SLCO1B3: variants seen among roughly 807,000 people sequenced by gnomAD.
SLCO1B3 encodes the protein solute carrier organic anion transporter family member 1B3, also known as liver-specific organic anion transporter 2.
A neutral mutation model predicts 71.8 loss-of-function variants in SLCO1B3; 72 were observed. The observed-to-expected ratio is 1.00, with a 90% confidence interval of 0.83 to 1.22. The LOEUF is 1.22. Ranked by LOEUF, SLCO1B3 falls within the 50% of genes most tolerant of loss-of-function variation. The probability of loss-of-function intolerance (pLI) is 0.00; values close to 1 mark genes in which losing one functional copy is unlikely to be tolerated. For missense variants in SLCO1B3, 911 were observed against 819.7 expected, an observed-to-expected ratio of 1.11 and a Z score of -1.36; for synonymous variants, 298 against 278.4, an observed-to-expected ratio of 1.07 and a Z score of -0.70.
intron 3 of SLCO1B3, among the ~76,000 whole-genome samples, chr12:20,842,501 A>G (rs2121176818): frequency 1.5e-5 from 1 of 65,698 alleles, no homozygotes; most frequent in East Asian, 4.2e-4. Context: ...TACAGCTACA[A>G]GTTTTTTTTT....
At chr12:20,856,128 A>C (rs1489534469) in intron 4 of SLCO1B3, among the ~76,000 whole-genome samples, 3 of 152,196 alleles carry the variant, frequency 2.0e-5, no homozygotes, top group African/African-American at 7.2e-5. Context: ...TTAGAATTGG[A>C]ATGTTATTAG....
intron 8 of SLCO1B3, among the ~76,000 whole-genome samples, chr12:20,868,777 G>A (rs1865421329): frequency 6.6e-6 from 1 of 152,088 alleles, no homozygotes; most frequent in East Asian, 1.9e-4. Flanking sequence ...AAAGCAAAAG[G>A]GGCAGGGTAA....
chr12:20,833,291 T>G (rs1384232250), intron 3 of SLCO1B3, among the ~76,000 whole-genome samples: 2 of 152,066 alleles, frequency 1.3e-5, no homozygotes, highest in Non-Finnish European at 2.9e-5. Flanking sequence ...CCATGTTACC[T>G]AACATATTTA....
rs2121296519 is a variant in SLCO1B3, at chr12:20,876,993, G to A, written c.971-779G>A. Among the ~76,000 whole-genome samples, 3 of 152,134 alleles carry A rather than the reference G, an allele frequency of 2.0e-5. 1 individual carries two copies. The Middle Eastern group carries it at 0.01, about 517-fold the overall frequency. On this transcript the variant is annotated intron_variant, in intron 9 of 15. Transcript: ENST00000381545. Reference sequence around the variant, plus strand: ...CTACAGGCACACACTGCCATACCCGGCTAATTTTTTGTATTTTTGTAGAGA... The same window carrying A: ...CTACAGGCACACACTGCCATACCCGACTAATTTTTTGTATTTTTGTAGAGA...
In SLCO1B3 at chr12:20,881,020, AG is replaced by A. The variant is rs1865684164; in HGVS notation, c.1497+1del. On this transcript the variant is annotated splice_donor_variant, in intron 12 of 15. Coordinates refer to ENST00000381545, the MANE Select transcript of SLCO1B3 (RefSeq NM_019844.4). LOFTEE classifies it high-confidence loss of function. ...CCTCAAGTGGTATTAAAAAGCATACAGTGAGTATTAGTTTTCACTTTTTCTC... is the reference window on the plus strand; with the variant it reads ...CCTCAAGTGGTATTAAAAAGCATACATGAGTATTAGTTTTCACTTTTTCTC... The A allele has an allele frequency of 3.1e-6, 5 of 1,588,098 alleles. No homozygotes were observed. In the East Asian group the frequency reaches 1.1e-4, roughly 36 times the overall value.
intron 15 of SLCO1B3, among the ~76,000 whole-genome samples, chr12:20,913,239 C>T (rs1866421119): frequency 6.6e-6 from 1 of 152,004 alleles, no homozygotes; most frequent in Non-Finnish European, 1.5e-5. Flanking sequence ...TTAACATTGT[C>T]CATAGGTTCT....
chr12:20,892,549 G>A (rs1047963759), intron 13 of SLCO1B3, among the ~76,000 whole-genome samples: 2 of 152,102 alleles, frequency 1.3e-5, no homozygotes, highest in Non-Finnish European at 2.9e-5. Flanking sequence ...AGGACACAGA[G>A]TTTTTCTCTG....
Position 20,883,483 on chromosome 12 carries a change from G to T in SLCO1B3, c.1563G>T (p.Leu521Phe), listed in dbSNP as rs1017124038. 3 of 1,598,562 alleles carry T rather than the reference G, an allele frequency of 1.9e-6. No individual in the cohort carries two copies. Among genetic ancestry groups the T allele is most frequent in the Non-Finnish European group, 2.6e-6 (3 of 1,172,298 alleles). Residue 521 changes from leucine (L) to phenylalanine (F), a missense_variant, in exon 13 of 16, where the codon TTG becomes TTT. Transcript: ENST00000381545. ...GLQNRNYSAH[L>F]GECPRDNTCT... ...AGAACAGAAATTACTCAGCACACTT[G>T]GGTGAATGCCCAAGAGATAATACTT... is the stretch of plus-strand genomic sequence containing the variant.
chr12:20,872,980 G>GC (rs1386872726), intron 8 of SLCO1B3, among the ~76,000 whole-genome samples: 1 of 152,096 alleles, frequency 6.6e-6, no homozygotes, highest in Non-Finnish European at 1.5e-5. Flanking sequence ...TCTAGAGTAT[G>GC]CAGGGTCTTA....
intron 15 of SLCO1B3, among the ~76,000 whole-genome samples, chr12:20,910,575 G>A (rs980320675): frequency 4.6e-5 from 7 of 152,112 alleles, no homozygotes; most frequent in African/African-American, 1.4e-4. Flanking sequence ...TGAGTCTTAC[G>A]ATACTGTACA....
chr12:20,882,473 G>A (rs1001840827), intron 12 of SLCO1B3, among the ~76,000 whole-genome samples: 6 of 152,112 alleles, frequency 3.9e-5, no homozygotes, highest in African/African-American at 1.4e-4. Context: ...GCATGGTCTC[G>A]GCTCACTGCA....
At position 20,858,542 on chromosome 12, in the gene SLCO1B3, G is replaced by A. The variant is rs544431416; in HGVS notation, c.330G>A (p.Leu110=). Residue 110 remains leucine, a synonymous_variant, in exon 5 of 16, where the codon TTG becomes TTA. Coordinates refer to ENST00000381545, the MANE Select transcript of SLCO1B3 (RefSeq NM_019844.4). ...TCCTTATGGGAACTGGAAGTATTTT[G>A]ACATCTTTACCACATTTCTTCATGG... The part of the protein sequence containing the change: ...GCLLMGTGSI[L]TSLPHFFMGY... 4 of 1,606,624 alleles carry A rather than the reference G, an allele frequency of 2.5e-6. No homozygotes were observed. The South Asian group carries it at 3.3e-5, about 13-fold the overall frequency.
At chr12:20,914,379 TTA>T (rs1866449501) in intron 15 of SLCO1B3, among the ~76,000 whole-genome samples, 1 of 152,134 alleles carries the variant, frequency 6.6e-6, no homozygotes, top group Non-Finnish European at 1.5e-5. Context: ...AGTTCACAGA[TTA>T]TGAGTACCCT....
intron 3 of SLCO1B3, among the ~76,000 whole-genome samples, chr12:20,822,150 A>G (rs1422955260): frequency 6.6e-6 from 1 of 152,212 alleles, no homozygotes; most frequent in Non-Finnish European, 1.5e-5. Context: ...TTGATCTCCC[A>G]AGGGAGGTCC....
chr12:20,894,587 A>G (rs758582115), intron 13 of SLCO1B3, among the ~76,000 whole-genome samples: 8 of 152,130 alleles, frequency 5.3e-5, no homozygotes, highest in Non-Finnish European at 1.0e-4. Context: ...TGTGTAGTAT[A>G]CCGACAAAGT....
At chr12:20,858,324 G>C (rs1865182838) in intron 4 of SLCO1B3, 115 bp from the exon 5 acceptor site, 1 of 698,724 alleles carries the variant, frequency 1.4e-6, no homozygotes, top group Non-Finnish European at 2.4e-6. Context: ...AAATTACATG[G>C]TCTTTGAGGG....
chr12:20,835,406 C>G (rs377255414), intron 3 of SLCO1B3, among the ~76,000 whole-genome samples: 1 of 152,098 alleles, frequency 6.6e-6, no homozygotes, highest in African/African-American at 2.4e-5. Context: ...TACTGCATTG[C>G]CAGGCTGCAA....
chr12:20,832,950 A>AAAT (rs143741711), intron 3 of SLCO1B3, among the ~76,000 whole-genome samples: 2 of 151,790 alleles, frequency 1.3e-5, no homozygotes, highest in Non-Finnish European at 2.9e-5. Context: ...AAACAAAAAA[A>AAAT]ATTATCTTAG....
intron 10 of SLCO1B3, among the ~76,000 whole-genome samples, chr12:20,878,668 C>G (rs372496664): frequency 6.6e-6 from 1 of 152,060 alleles, no homozygotes; most frequent in African/African-American, 2.4e-5. Flanking sequence ...TGGATGATCT[C>G]CCTGTTGAAC....
Sources: allele counts gnomAD v4.1 joint callset (sites outside exome capture counted in the v4.1 genomes callset), GRCh38; gene constraint gnomAD v4.1.1; transcripts MANE v1.5; gene names NCBI Gene and HGNC (gene_info 2026-07-23, HGNC 2026-07-21).